The following MAP1LC3B2 variants were observed in gnomAD, a reference collection of about 807,000 sequenced individuals.
MAP1LC3B2 encodes microtubule associated protein 1 light chain 3 beta 2, also known as microtubule-associated protein 1 light chain 3 beta 2.
For missense variants in MAP1LC3B2, 155 were observed against 154.6 expected (o/e 1.00, Z -0.01); for synonymous variants, 62 against 57.8 (o/e 1.07, Z -0.33).
chr12:116,560,218 ATATATATAT>A (rs1566022577), intron 1 of MAP1LC3B2: 5 of 71,184 alleles, frequency 7.0e-5, no homozygotes, highest in Non-Finnish European at 1.4e-4. Flanking sequence ...ATATATATAT[ATATATATAT>A]ATATATATAT....
intron 1 of MAP1LC3B2, among the ~76,000 whole-genome samples, chr12:116,567,299 G>T (rs534733797): frequency 6.6e-6 from 1 of 152,062 alleles, no homozygotes; most frequent in Non-Finnish European, 1.5e-5. Flanking sequence ...TTAGAAAGAA[G>T]TCTTTTTATT....
At chr12:116,568,223 G>C (rs141652578) in intron 1 of MAP1LC3B2, among the ~76,000 whole-genome samples, 3 of 152,310 alleles carry the variant, frequency 2.0e-5, no homozygotes, top group Non-Finnish European at 4.4e-5. Flanking sequence ...TCTGCTGAGA[G>C]TAACAGGCCC....
chr12:116,565,544 A>G (rs1869366069), intron 1 of MAP1LC3B2, among the ~76,000 whole-genome samples: 1 of 152,216 alleles, frequency 6.6e-6, no homozygotes, highest in African/African-American at 2.4e-5. Flanking sequence ...ACAATTCAAG[A>G]TGGGATTTGG....
chr12:116,566,971 A>AAAAAAAAAT (rs1869404081), intron 1 of MAP1LC3B2, among the ~76,000 whole-genome samples: 1 of 136,314 alleles, frequency 7.3e-6, no homozygotes, highest in Non-Finnish European at 1.6e-5. Context: ...AAAAAAAAAA[A>AAAAAAAAAT]GAATTGAGTT....
At chr12:116,571,888 T>A (rs1869545644) in intron 1 of MAP1LC3B2, among the ~76,000 whole-genome samples, 1 of 151,290 alleles carries the variant, frequency 6.6e-6, no homozygotes. Context: ...TTAAAGCAAC[T>A]GTTGTTTTTT....
chr12:116,569,419 C>A (rs11613714), intron 1 of MAP1LC3B2, among the ~76,000 whole-genome samples: 4,817 of 152,278 alleles, frequency 0.032, 105 homozygotes, highest in African/African-American at 0.05. Flanking sequence ...TCTCTTACTA[C>A]TTAACCCACA....
intron 1 of MAP1LC3B2, among the ~76,000 whole-genome samples, chr12:116,567,765 AAT>A (rs948359368): frequency 1.3e-5 from 2 of 151,148 alleles, no homozygotes; most frequent in African/African-American, 2.4e-5. Context: ...AAAATAAAAA[AAT>A]ATATATATAT....
chr12:116,559,589 A>G (rs908059576), intron 1 of MAP1LC3B2, among the ~76,000 whole-genome samples, 156 bp downstream of exon 1: 1 of 152,220 alleles, frequency 6.6e-6, no homozygotes, highest in African/African-American at 2.4e-5. Context: ...TGCTTTCACT[A>G]GTCAGACCTG....
chr12:116,569,089 C>T (rs1869462742), intron 1 of MAP1LC3B2, among the ~76,000 whole-genome samples: 1 of 151,984 alleles, frequency 6.6e-6, no homozygotes, highest in Non-Finnish European at 1.5e-5. Context: ...GTCTCGATCT[C>T]CTGACCTCAT....
At chr12:116,571,657 A>G (rs1438613899) in intron 1 of MAP1LC3B2, among the ~76,000 whole-genome samples, 4 of 149,910 alleles carry the variant, frequency 2.7e-5, no homozygotes, top group African/African-American at 7.4e-5. Flanking sequence ...ATTTTTTTGT[A>G]TTTTTAGTAG....
In MAP1LC3B2 at chr12:116,576,285, T is replaced by C; in HGVS notation, c.343T>C (p.Ser115Pro). ...EDGFLYMVCA[S>P]QETFGMKLSV The stretch of plus-strand genomic sequence containing the variant: ...TGGATTCCTGTACATGGTCTGTGCC[T>C]CCCAGGAGACGTTCGGGATGAAATT... The change falls in exon 2 of 2, where the codon TCC (serine) becomes CCC (proline). Residue 115 changes from serine (S) to proline (P), a missense_variant. By Grantham distance (74) the Ser-to-Pro change is moderately conservative (BLOSUM62 -1). Coordinates refer to ENST00000556529, the MANE Select transcript of MAP1LC3B2 (RefSeq NM_001085481.3). 1 of 1,614,008 alleles carries C rather than the reference T, an allele frequency of 6.2e-7. No homozygotes were observed. Among genetic ancestry groups the C allele is most frequent in the Non-Finnish European group, 8.5e-7 (1 of 1,180,012 alleles).
intron 1 of MAP1LC3B2, among the ~76,000 whole-genome samples, chr12:116,570,833 G>A (rs572410331): frequency 3.1e-4 from 47 of 152,296 alleles, no homozygotes; most frequent in Non-Finnish European, 3.4e-4. Flanking sequence ...CATTTTCAAC[G>A]TATGATAGGT....
intron 1 of MAP1LC3B2, among the ~76,000 whole-genome samples, chr12:116,575,111 C>T (rs980076792): frequency 4.7e-5 from 7 of 147,998 alleles, no homozygotes; most frequent in Non-Finnish European, 7.4e-5. Flanking sequence ...ACCCAGAAGG[C>T]GGAGGTTGCG....
intron 1 of MAP1LC3B2, among the ~76,000 whole-genome samples, chr12:116,560,635 G>A (rs1165474054): frequency 6.6e-6 from 1 of 152,152 alleles, no homozygotes; most frequent in East Asian, 1.9e-4. Flanking sequence ...CTAATGTGCT[G>A]CAGCACCTGT....
chr12:116,566,797 G>C (rs2136960705), intron 1 of MAP1LC3B2, among the ~76,000 whole-genome samples: 1 of 150,380 alleles, frequency 6.6e-6, no homozygotes, highest in South Asian at 2.1e-4. Context: ...TGGGCGTGGT[G>C]GTGGGCACCT....
At chr12:116,567,789 C>G (rs942280789) in intron 1 of MAP1LC3B2, among the ~76,000 whole-genome samples, 2 of 151,864 alleles carry the variant, frequency 1.3e-5, no homozygotes, top group African/African-American at 4.8e-5. Flanking sequence ...TGTAAACCCT[C>G]TAAGGGTTTC....
intron 1 of MAP1LC3B2, among the ~76,000 whole-genome samples, chr12:116,564,016 A>G (rs779591346): frequency 8.5e-5 from 13 of 152,208 alleles, no homozygotes; most frequent in Non-Finnish European, 1.6e-4. Context: ...AGTAGCTGGG[A>G]CTAAAGGTGC....
intron 1 of MAP1LC3B2, among the ~76,000 whole-genome samples, chr12:116,561,823 C>T (rs1263582034): frequency 1.3e-5 from 2 of 152,258 alleles, no homozygotes; most frequent in South Asian, 2.1e-4. Context: ...GGAGCAAGTA[C>T]ATGCAAAGCT....
In MAP1LC3B2 at chr12:116,572,630, C is replaced by T. The variant is rs370865846; in HGVS notation, c.-101-3212C>T. Among the ~76,000 whole-genome samples the T allele has an allele frequency of 1.1e-4, 16 of 152,354 alleles. No individual in the cohort carries two copies. In the South Asian group the frequency reaches 3.3e-3, roughly 32 times the overall value. ...CCGCCCGCCTCAGCCTCCCAAAGTGCTGGGATTACAGGCGTGAGCCACGGC... is the reference window on the plus strand; with the variant it reads ...CCGCCCGCCTCAGCCTCCCAAAGTGTTGGGATTACAGGCGTGAGCCACGGC... On this transcript the variant is annotated intron_variant, in intron 1 of 1. Coordinates refer to ENST00000556529, the MANE Select transcript of MAP1LC3B2 (RefSeq NM_001085481.3).
Sources: allele counts gnomAD v4.1 joint callset (sites outside exome capture counted in the v4.1 genomes callset), GRCh38; gene constraint gnomAD v4.1.1; transcripts MANE v1.5; gene names NCBI Gene and HGNC (gene_info 2026-07-23, HGNC 2026-07-21).